FAM118B: variants seen among roughly 807,000 people sequenced by gnomAD.
FAM118B encodes SIR2 antiphage like 1.
In FAM118B, 24 loss-of-function variants were observed where a neutral mutation model predicts 38.5. The ratio of observed to expected loss-of-function variants is 0.62; its 90% confidence interval spans 0.45 to 0.88. The LOEUF (loss-of-function observed/expected upper bound fraction) is 0.88, where lower values mean the gene tolerates loss of function less well. FAM118B is among the 40% of genes least tolerant of loss of function. The pLI, the probability that FAM118B is intolerant of heterozygous loss-of-function variation, is 0.00. For synonymous variants in FAM118B, 138 were observed against 156.3 expected (o/e 0.88, Z 0.87); for missense variants, 334 against 420.0 (o/e 0.80, Z 1.79).
At chr11:126,217,103 A>G (rs977310060) in intron 1 of FAM118B, among the ~76,000 whole-genome samples, 2 of 152,240 alleles carry the variant, frequency 1.3e-5, no homozygotes, top group African/African-American at 4.8e-5. Context: ...GAGAAAACCC[A>G]CACAGACATG....
intron 4 of FAM118B, among the ~76,000 whole-genome samples, chr11:126,243,528 A>C (rs937815815): frequency 4.6e-5 from 7 of 151,988 alleles, no homozygotes; most frequent in African/African-American, 1.7e-4. Flanking sequence ...GGACACAAAA[A>C]TCCTCAACAA....
At chr11:126,257,897 C>T (rs539914516) in intron 7 of FAM118B, among the ~76,000 whole-genome samples, 1 of 152,274 alleles carries the variant, frequency 6.6e-6, no homozygotes, top group African/African-American at 2.4e-5. Flanking sequence ...TGATTAGTGG[C>T]TGCAGGCAAA....
intron 4 of FAM118B, among the ~76,000 whole-genome samples, chr11:126,247,881 CTATATATATATATA>C (rs1950438967): frequency 7.2e-6 from 1 of 138,856 alleles, no homozygotes; most frequent in African/African-American, 2.6e-5. Flanking sequence ...ATATATATAT[CTATATATATATATA>C]GATATACGTA....
intron 4 of FAM118B, among the ~76,000 whole-genome samples, chr11:126,249,315 G>A (rs183712996): frequency 2.6e-5 from 4 of 152,306 alleles, no homozygotes; most frequent in African/African-American, 9.6e-5. Flanking sequence ...AATTGTTTAC[G>A]TTAACCTTTT....
At chr11:126,249,704 C>G (rs1950469943) in intron 4 of FAM118B, among the ~76,000 whole-genome samples, 1 of 141,506 alleles carries the variant, frequency 7.1e-6, no homozygotes, top group Admixed American at 7.8e-5. Context: ...TGCACTCCAG[C>G]CTGGGTGACA....
intron 3 of FAM118B, among the ~76,000 whole-genome samples, chr11:126,238,489 A>G (rs963771657): frequency 6.6e-6 from 1 of 152,096 alleles, no homozygotes; most frequent in Non-Finnish European, 1.5e-5. Context: ...TCCTAACTGG[A>G]TGGGGGATAG....
At chr11:126,239,721 C>T (rs1224923945) in intron 3 of FAM118B, among the ~76,000 whole-genome samples, 2 of 152,292 alleles carry the variant, frequency 1.3e-5, no homozygotes, top group East Asian at 3.9e-4. Context: ...ACCATGTTGG[C>T]CAGGCTGGTC....
At chr11:126,239,642 T>C (rs918285135) in intron 3 of FAM118B, among the ~76,000 whole-genome samples, 1 of 152,206 alleles carries the variant, frequency 6.6e-6, no homozygotes, top group Admixed American at 6.5e-5. Context: ...GCCTCCCTAG[T>C]AGCTGGGACT....
At chr11:126,240,293 A>AT (rs1487170628) in intron 3 of FAM118B, among the ~76,000 whole-genome samples, 1 of 144,392 alleles carries the variant, frequency 6.9e-6, no homozygotes, top group Non-Finnish European at 1.5e-5. Context: ...TTTTTGCCTG[A>AT]GGTTAATGTT....
intron 1 of FAM118B, among the ~76,000 whole-genome samples, chr11:126,222,036 A>T (rs186340816): frequency 6.6e-6 from 1 of 152,220 alleles, no homozygotes. Context: ...AGTGTGGCCC[A>T]CGGCTTGTTC....
chr11:126,247,614 CT>C (rs1452502086), intron 4 of FAM118B, among the ~76,000 whole-genome samples: 1 of 152,054 alleles, frequency 6.6e-6, no homozygotes, highest in East Asian at 1.9e-4. Flanking sequence ...AATCCCAACA[CT>C]TTGGGAGGCC....
In FAM118B at chr11:126,260,709, A is replaced by G. The variant is rs534700744; in HGVS notation, c.983-716A>G. ...TGCTAAATTGTTTTCTACGAGGGTA[A>G]TATCAATTTGTATATTTGAGTACCA... On this transcript the variant is annotated intron_variant, in intron 7 of 8. Coordinates refer to ENST00000533050, the MANE Select transcript of FAM118B (RefSeq NM_024556.4). 3.9e-5 allele frequency: 6 copies of G among 152,348 alleles called. No homozygotes were observed. The South Asian group carries it at 1.0e-3, about 26-fold the overall frequency. 9.4% of individuals were successfully genotyped at this position (152,348 alleles called of 1,614,324 possible).
chr11:126,262,104 T>C lies in FAM118B; in HGVS notation c.1043-16T>C, dbSNP rs756400780. On this transcript the variant is annotated splice_polypyrimidine_tract_variant and intron_variant, in intron 8 of 8. Transcript: ENST00000533050. ...TTGTGAAACTTCATTTTGTTCTCTT[T>C]TCTTTCTCCCTACAGGCTGTAGTAC... 1.8e-5 allele frequency: 29 copies of C among 1,613,988 alleles called. No individual in the cohort carries two copies. The highest frequency in any genetic ancestry group is 2.3e-5 in the Non-Finnish European group (27 of 1,179,982).
At chr11:126,260,207 A>AT (rs1465017563) in intron 7 of FAM118B, among the ~76,000 whole-genome samples, 5 of 151,358 alleles carry the variant, frequency 3.3e-5, no homozygotes, top group Non-Finnish European at 7.4e-5. Context: ...TAATTTTTGT[A>AT]TTTTTTGTAG....
intron 8 of FAM118B, 125 bp downstream of exon 8, chr11:126,261,609 G>C (rs1950701144): frequency 1.4e-6 from 1 of 710,934 alleles, no homozygotes; most frequent in Non-Finnish European, 2.4e-6. Context: ...ACACTGTAGA[G>C]AATGATTTTC....
chr11:126,255,128 G>A lies in FAM118B; in HGVS notation c.696+695G>A, dbSNP rs1950557692. On this transcript the variant is annotated intron_variant, in intron 6 of 8. Transcript: ENST00000533050. The surrounding 1 kb of genome is among the most constrained non-coding windows in gnomAD (Gnocchi z 4.6). ...AGAGAATACATTCTAAAGAGACTTT[G>A]TATAAATGGCAATGGGCTTATATTG... 6.6e-6 allele frequency among the ~76,000 whole-genome samples: 1 copy of A among 152,186 alleles called. No individual in the cohort carries two copies. The highest frequency in any genetic ancestry group is 1.5e-5 in the Non-Finnish European group (1 of 68,020).
chr11:126,241,871 A>C (rs374076422), intron 4 of FAM118B, among the ~76,000 whole-genome samples: 1 of 151,582 alleles, frequency 6.6e-6, no homozygotes, highest in African/African-American at 2.4e-5. Flanking sequence ...CTTAAAAATC[A>C]GGCTTCTAGG....
intron 6 of FAM118B, among the ~76,000 whole-genome samples, chr11:126,254,967 C>T (rs1019679673): frequency 6.6e-6 from 1 of 152,192 alleles, no homozygotes; most frequent in Non-Finnish European, 1.5e-5. Flanking sequence ...TGACAACCAG[C>T]AGATGGCATG....
chr11:126,236,759 A>T (rs1266653579), intron 3 of FAM118B, among the ~76,000 whole-genome samples: 1 of 131,190 alleles, frequency 7.6e-6, no homozygotes, highest in Non-Finnish European at 1.7e-5. Context: ...GTGTTGCTTT[A>T]TTTTTTTCCC....
Sources: allele counts gnomAD v4.1 joint callset (sites outside exome capture counted in the v4.1 genomes callset), GRCh38; gene constraint gnomAD v4.1.1; non-coding constraint Gnocchi (gnomAD v3.1); transcripts MANE v1.5; gene names NCBI Gene and HGNC (gene_info 2026-07-23, HGNC 2026-07-21).